Variants in RAB3C observed in about 807,000 individuals in gnomAD.
The protein encoded by RAB3C is RAB3C, member RAS oncogene family.
Under a neutral mutation model 26.4 loss-of-function variants are expected in RAB3C, and 17 were observed. That is an observed-to-expected ratio of 0.64 (90% confidence interval 0.44 to 0.97). The LOEUF (loss-of-function observed/expected upper bound fraction) is 0.97. RAB3C is among the 50% of genes least tolerant of loss of function. RAB3C has a pLI of 0.00. For missense variants in RAB3C, 242 were observed against 281.9 expected, an observed-to-expected ratio of 0.86 and a Z score of 1.01; for synonymous variants, 91 against 95.9, an observed-to-expected ratio of 0.95 and a Z score of 0.30.
chr5:58,833,233 A>G (rs1040755897), intron 4 of RAB3C, among the ~76,000 whole-genome samples: 2 of 151,898 alleles, frequency 1.3e-5, no homozygotes, highest in Non-Finnish European at 2.9e-5. Context: ...TATTGGGTAA[A>G]TTATGGCGAG....
chr5:58,795,628 AG>A lies in RAB3C; in HGVS notation c.372-29409del, dbSNP rs1434805531. On this transcript the variant is annotated intron_variant, in intron 3 of 4. Coordinates refer to ENST00000282878, the MANE Select transcript of RAB3C (RefSeq NM_138453.4). ...TATTGACAGAGTGGGAGCTGACAGA[AG>A]AGGCTCAGGAGAAAAGAAGACAGGT... Among the ~76,000 whole-genome samples, 4 of 39,972 alleles carry A rather than the reference AG, an allele frequency of 1.0e-4. No homozygotes were observed. The East Asian group carries it at 1.5e-3, about 15-fold the overall frequency. The allele number at this position is 39,972 out of a possible 152,430, so 26.2% of individuals were successfully genotyped here. A position where few individuals can be genotyped will look rare whatever the true frequency, so the allele number is the denominator to read the frequency against.
At chr5:58,811,345 GTGTGTGTGTA>G (rs71786187) in intron 3 of RAB3C, among the ~76,000 whole-genome samples, 6,025 of 151,864 alleles carry the variant, frequency 0.04, 136 homozygotes, top group Non-Finnish European at 0.058. Flanking sequence ...TAGATTTTGC[GTGTGTGTGTA>G]TGTGTGTGTA....
rs189881779 is a variant in RAB3C at position 58,793,516 on chromosome 5, C to T, written c.372-31522C>T. Among the ~76,000 whole-genome samples, 261 of 148,070 alleles carry T rather than the reference C, an allele frequency of 1.8e-3. 2 individuals carry two copies. The highest frequency in any genetic ancestry group is 5.2e-3 in the African/African-American group (207 of 40,058). On this transcript the variant is annotated intron_variant, in intron 3 of 4. Coordinates refer to ENST00000282878, the MANE Select transcript of RAB3C (RefSeq NM_138453.4). Reference sequence around the variant, plus strand: ...AGGTTGCAGTGAGCCAAGATCGTGCCGCTGCACTCCACCTCAAAAAAAAAA... The same window carrying T: ...AGGTTGCAGTGAGCCAAGATCGTGCTGCTGCACTCCACCTCAAAAAAAAAA...
In RAB3C at chr5:58,697,904, C is replaced by T. The variant is rs147974602; in HGVS notation, c.253-28098C>T. ...GCCAGTCTATGTCTTTTAATTGGGG[C>T]ATTTAGCCCATTTACATTTAAGGTT... On this transcript the variant is annotated intron_variant, in intron 2 of 4. Transcript: ENST00000282878. Among the ~76,000 whole-genome samples the T allele has an allele frequency of 8.4e-3, 1,279 of 152,222 alleles. 11 individuals carry two copies. The highest frequency in any genetic ancestry group is 0.014 in the Non-Finnish European group (964 of 68,024).
At chr5:58,595,458 A>G (rs1207247726) in intron 1 of RAB3C, among the ~76,000 whole-genome samples, 2 of 152,044 alleles carry the variant, frequency 1.3e-5, no homozygotes, top group African/African-American at 2.4e-5. Flanking sequence ...TCATATTTCC[A>G]TGTTCCCAGG....
chr5:58,622,429 A>C (rs973377378), intron 2 of RAB3C, among the ~76,000 whole-genome samples: 18 of 152,170 alleles, frequency 1.2e-4, no homozygotes, highest in African/African-American at 4.3e-4. Flanking sequence ...ACAAAAAATA[A>C]AAAATCTAAA....
chr5:58,625,856 CAA>C (rs11396391), intron 2 of RAB3C, among the ~76,000 whole-genome samples: 7 of 122,352 alleles, frequency 5.7e-5, no homozygotes, highest in Admixed American at 8.5e-5. Flanking sequence ...GACTCTGTCT[CAA>C]AAAAAAAAAA....
At chr5:58,629,198 C>T (rs893957639) in intron 2 of RAB3C, among the ~76,000 whole-genome samples, 4 of 151,644 alleles carry the variant, frequency 2.6e-5, no homozygotes, top group African/African-American at 9.7e-5. Flanking sequence ...GATGGCAATC[C>T]TCCGTCAATT....
chr5:58,783,396 A>G (rs1283205043), intron 3 of RAB3C, among the ~76,000 whole-genome samples: 1 of 152,188 alleles, frequency 6.6e-6, no homozygotes, highest in Non-Finnish European at 1.5e-5. Context: ...TAAAGACAAC[A>G]TGTGTGTATC....
intron 4 of RAB3C, among the ~76,000 whole-genome samples, chr5:58,827,909 T>C (rs1743525256): frequency 6.6e-6 from 1 of 152,254 alleles, no homozygotes; most frequent in South Asian, 2.1e-4. Context: ...CATTTTATTC[T>C]TCAGAATACC....
chr5:58,760,606 C>T (rs1253296528), intron 3 of RAB3C, among the ~76,000 whole-genome samples: 4 of 152,192 alleles, frequency 2.6e-5, no homozygotes, highest in African/African-American at 9.7e-5. Flanking sequence ...TATTAAACAA[C>T]TAGTCTGTTC....
chr5:58,660,905 A>G (rs1348246991), intron 2 of RAB3C, among the ~76,000 whole-genome samples: 1 of 150,190 alleles, frequency 6.7e-6, no homozygotes, highest in Non-Finnish European at 1.5e-5. Flanking sequence ...AGTGAGTCAT[A>G]GGACCCATCT....
intron 3 of RAB3C, 110 bp from the exon 4 acceptor site, chr5:58,824,928 T>G (rs943059471): frequency 2.6e-5 from 19 of 722,012 alleles, no homozygotes; most frequent in African/African-American, 1.0e-4. Flanking sequence ...GACATCGTGT[T>G]TTTTTTTTCC....
intron 3 of RAB3C, among the ~76,000 whole-genome samples, chr5:58,765,564 T>C (rs1444303719): frequency 6.6e-6 from 1 of 152,032 alleles, no homozygotes; most frequent in Admixed American, 6.5e-5. Context: ...AAATATATAA[T>C]CACATGTGAA....
At chr5:58,711,053 T>A (rs2111896184) in intron 2 of RAB3C, among the ~76,000 whole-genome samples, 1 of 152,264 alleles carries the variant, frequency 6.6e-6, no homozygotes, top group South Asian at 2.1e-4. Context: ...CTTAAAGAAA[T>A]CAGCAAGCAT....
intron 3 of RAB3C, among the ~76,000 whole-genome samples, chr5:58,821,589 C>T (rs1743344200): frequency 6.6e-6 from 1 of 152,136 alleles, no homozygotes. Flanking sequence ...TGCCAAATCT[C>T]ACTGTTGCTA....
Position 58,850,746 on chromosome 5 carries a change from G to A in RAB3C, c.497-418G>A, listed in dbSNP as rs544288843. Among the ~76,000 whole-genome samples, 10 of 152,284 alleles carry A rather than the reference G, an allele frequency of 6.6e-5. No individual in the cohort carries two copies. The South Asian group carries it at 2.1e-3, about 32-fold the overall frequency. On this transcript the variant is annotated intron_variant, in intron 4 of 4. Transcript: ENST00000282878. ...ATAATGCCATGAAAAGATTGCAAGA[G>A]TCTACATGGTGCGCTAGGGGTTGAG...
intron 3 of RAB3C, chr5:58,823,196 A>G: frequency 3.0e-6 from 1 of 335,954 alleles, no homozygotes; most frequent in Non-Finnish European, 5.8e-6. Flanking sequence ...CATAAAGAAC[A>G]GCGAAACTTC....
chr5:58,703,480 C>T (rs1748888513), intron 2 of RAB3C, among the ~76,000 whole-genome samples: 1 of 152,284 alleles, frequency 6.6e-6, no homozygotes, highest in African/African-American at 2.4e-5. Flanking sequence ...CCGCGTCTGG[C>T]CATGTTTATT....
Sources: allele counts gnomAD v4.1 joint callset (sites outside exome capture counted in the v4.1 genomes callset), GRCh38; gene constraint gnomAD v4.1.1; transcripts MANE v1.5; gene names NCBI Gene and HGNC (gene_info 2026-07-23, HGNC 2026-07-21).